TTLL4: variants seen among roughly 807,000 people sequenced by gnomAD.
The protein encoded by TTLL4 is tubulin tyrosine ligase like 4, also known as tubulin monoglutamylase TTLL4.
In TTLL4, 85 loss-of-function variants were observed where a neutral mutation model predicts 122.7. That is an observed-to-expected ratio of 0.69 (90% CI 0.58 to 0.83). The LOEUF is 0.83. TTLL4 is among the 40% of genes least tolerant of loss of function. The pLI is 0.00. For missense variants in TTLL4, 1,363 were observed against 1,488.6 expected (o/e 0.92, Z 1.39); for synonymous variants, 553 against 563.0 (o/e 0.98, Z 0.25).
chr2:218,721,877 CTT>C (rs751228470), intron 1 of TTLL4, among the ~76,000 whole-genome samples: 7 of 151,980 alleles, frequency 4.6e-5, no homozygotes, highest in South Asian at 4.1e-4. Flanking sequence ...AATCTCAGCA[CTT>C]TTGAGAGGCT....
chr2:218,712,899 A>G (rs532223404), intron 1 of TTLL4, among the ~76,000 whole-genome samples: 40 of 152,356 alleles, frequency 2.6e-4, no homozygotes, highest in African/African-American at 8.4e-4. Context: ...AGGCTTGCCA[A>G]TACACAATCC....
At position 218,752,856 on chromosome 2, in the gene TTLL4, G is replaced by C. The variant is rs1482074600; in HGVS notation, c.3070G>C (p.Glu1024Gln). Residue 1024 changes from glutamate (E) to glutamine (Q), a missense_variant, in exon 17 of 20, where the codon GAA becomes CAA. Glu to Gln is a conservative substitution (Grantham distance 29). Coordinates refer to ENST00000392102, the MANE Select transcript of TTLL4 (RefSeq NM_014640.5). ...EDEFSRRGQF[E>Q]RIFPSHISSR... ...TGAGTTTTCTCGCCGTGGTCAGTTT[G>C]AACGAATTTTTCCTTCTCATATCTC... The C allele has an allele frequency of 5.6e-6, 9 of 1,614,066 alleles. No homozygotes were observed. The African/African-American group carries it at 1.1e-4, about 19-fold the overall frequency.
Position 218,728,987 on chromosome 2 carries a change from C to T in TTLL4, c.-99+1640C>T, listed in dbSNP as rs530692604. 2.5e-3 allele frequency among the ~76,000 whole-genome samples: 356 copies of T among 139,784 alleles called. 1 individual carries two copies. Among genetic ancestry groups the T allele is most frequent in the African/African-American group, 9.2e-3 (334 of 36,456 alleles). The allele number at this position is 139,784 out of a possible 152,430, so 91.7% of individuals were successfully genotyped here. A position where few individuals can be genotyped will look rare whatever the true frequency, so the allele number is the denominator to read the frequency against. ...TGTTCTTGTTGCCCAGGCTGGAATG[C>T]AATGGCATGATCTCGGCTCACTGTA... On this transcript the variant is annotated intron_variant, in intron 2 of 19. Coordinates refer to ENST00000392102, the MANE Select transcript of TTLL4 (RefSeq NM_014640.5).
intron 1 of TTLL4, among the ~76,000 whole-genome samples, chr2:218,717,000 T>G (rs1941880509): frequency 6.6e-6 from 1 of 151,996 alleles, no homozygotes; most frequent in Non-Finnish European, 1.5e-5. Context: ...GGTTTTTTTC[T>G]TTTTCTTTTT....
chr2:218,752,633 T>A, intron 16 of TTLL4, 130 bp from the exon 17 acceptor site: 1 of 916,124 alleles, frequency 1.1e-6, no homozygotes, highest in Non-Finnish European at 1.7e-6. Context: ...TAGGCTGCCC[T>A]CAGTAGTTCC....
Position 218,753,179 on chromosome 2 carries a change from T to A in TTLL4, c.3252T>A (p.Ala1084=), listed in dbSNP as rs752828881. The A allele has an allele frequency of 3.7e-6, 6 of 1,614,038 alleles. No individual in the cohort carries two copies. The highest frequency in any genetic ancestry group is 5.1e-6 in the Non-Finnish European group (6 of 1,180,028). Residue 1084 remains alanine (A), a synonymous_variant, in exon 18 of 20, where the codon GCT becomes GCA. Transcript: ENST00000392102. ...GFHMGVVSDS[A]PVWSLPTSLL... The stretch of plus-strand genomic sequence containing the variant: ...ACATGGGAGTTGTCTCTGATTCTGC[T>A]CCAGTGGTGAGTGCTGCCAGTGTGG...
rs749385951 is a variant in TTLL4 at position 218,740,143 on chromosome 2, C to T, written c.1573C>T (p.Arg525Cys). The T allele has an allele frequency of 1.3e-5, 21 of 1,613,978 alleles. No individual in the cohort carries two copies. The East Asian group carries it at 2.0e-4, about 15-fold the overall frequency. Reference protein sequence around the residue: ...LVDGLEDCCSRDENEEEEGDS... With the variant: ...LVDGLEDCCSCDENEEEEGDS... ...AGATGGTTTGGAAGACTGTTGTAGC[C>T]GTGATGAGAATGAAGAGGAGGAGGG... Residue 525 changes from arginine to cysteine, a missense_variant, in exon 4 of 20, where the codon CGT (arginine) becomes TGT (cysteine). Arg to Cys is a radical substitution (Grantham distance 180, BLOSUM62 -3). Coordinates refer to ENST00000392102, the MANE Select transcript of TTLL4 (RefSeq NM_014640.5).
At chr2:218,714,427 G>A (rs1941799427) in intron 1 of TTLL4, among the ~76,000 whole-genome samples, 2 of 152,190 alleles carry the variant, frequency 1.3e-5, no homozygotes, top group Admixed American at 1.3e-4. Flanking sequence ...TGATCATAGT[G>A]TCTGAATTTT....
chr2:218,754,773 A>C lies in TTLL4; in HGVS notation c.*384A>C. 4.3e-6 allele frequency: 1 copy of C among 231,732 alleles called. No homozygotes were observed. The highest frequency in any genetic ancestry group is 8.5e-6 in the Non-Finnish European group (1 of 117,600). The allele number at this position is 231,732 out of a possible 1,614,324, so 14.4% of individuals were successfully genotyped here. A position where few individuals can be genotyped will look rare whatever the true frequency, so the allele number is the denominator to read the frequency against. On this transcript the variant is annotated 3_prime_UTR_variant, in exon 20 of 20. Coordinates refer to ENST00000392102, the MANE Select transcript of TTLL4 (RefSeq NM_014640.5). ...CAAGAGGAGAAAACATACAGAACAT[A>C]TTTGGACCGGAAATCCTTTGTTCTG...
intron 2 of TTLL4, among the ~76,000 whole-genome samples, chr2:218,730,532 T>A (rs13411043): frequency 0.011 from 1,654 of 151,036 alleles, 30 homozygotes; most frequent in African/African-American, 0.038. Flanking sequence ...AATAAATAAA[T>A]AAAATAAAAA....
At chr2:218,735,703 C>T (rs1390677454) in intron 2 of TTLL4, among the ~76,000 whole-genome samples, 1 of 151,504 alleles carries the variant, frequency 6.6e-6, no homozygotes, top group Non-Finnish European at 1.5e-5. Flanking sequence ...GACAGAGTCT[C>T]ACTCTGTCAC....
chr2:218,738,568 A>G lies in TTLL4; in HGVS notation c.892A>G (p.Thr298Ala), dbSNP rs141742368. The G allele has an allele frequency of 4.6e-5, 75 of 1,614,026 alleles. No individual in the cohort carries two copies. The highest frequency in any genetic ancestry group is 6.0e-5 in the Non-Finnish European group (71 of 1,179,992). ...STASSHDTSTTSVASSWYNRN... is the reference protein window; with the variant it reads ...STASSHDTSTASVASSWYNRN... ...CGCTAGCTCCCACGACACATCCACC[A>G]CCAGTGTTGCCTCTTCCTGGTATAA... Residue 298 changes from threonine to alanine, a missense_variant, in exon 3 of 20, where the codon ACC becomes GCC. By Grantham distance (58) the Thr-to-Ala change is moderately conservative (BLOSUM62 0). Around this residue, in one of 3 missense-constraint regions of TTLL4, gnomAD observed 760 missense variants for 808.4 expected, o/e 0.94. Transcript: ENST00000392102.
chr2:218,752,153 C>T (rs964010997), intron 16 of TTLL4, among the ~76,000 whole-genome samples: 1 of 152,186 alleles, frequency 6.6e-6, no homozygotes, highest in African/African-American at 2.4e-5. Flanking sequence ...AGTGATCCGC[C>T]TGCCTCGGCC....
intron 2 of TTLL4, among the ~76,000 whole-genome samples, chr2:218,736,036 G>GCTAT (rs1942513205): frequency 6.9e-6 from 1 of 145,798 alleles, no homozygotes; most frequent in East Asian, 2.0e-4. Context: ...GAGCAGTGGT[G>GCTAT]CTATCTTGGT....
chr2:218,752,008 A>G (rs1221236098), intron 16 of TTLL4, among the ~76,000 whole-genome samples: 1 of 150,298 alleles, frequency 6.7e-6, no homozygotes, highest in Non-Finnish European at 1.5e-5. Flanking sequence ...CCCAGGTTCA[A>G]GTGATTCTCC....
At chr2:218,711,811 G>A (rs1224920631) in intron 1 of TTLL4, among the ~76,000 whole-genome samples, 1 of 137,906 alleles carries the variant, frequency 7.3e-6, no homozygotes, top group Admixed American at 7.4e-5. Flanking sequence ...TCCCATTCTG[G>A]ATCTCGGAAA....
intron 1 of TTLL4, among the ~76,000 whole-genome samples, chr2:218,714,565 C>G (rs375033746): frequency 6.6e-6 from 1 of 152,034 alleles, no homozygotes; most frequent in Non-Finnish European, 1.5e-5. Context: ...TGAGAGTGCT[C>G]GTTTCTCTTA....
intron 5 of TTLL4, among the ~76,000 whole-genome samples, chr2:218,744,240 TTTTTTAAACTAAAAATTAA>T (rs1455970369): frequency 6.6e-6 from 1 of 152,232 alleles, no homozygotes; most frequent in Non-Finnish European, 1.5e-5. Flanking sequence ...GTAAAGTGAC[TTTTTTAAACTAAAAATTAA>T]TGTTATAATA....
chr2:218,726,035 T>C (rs1942182152), intron 1 of TTLL4, among the ~76,000 whole-genome samples: 1 of 152,256 alleles, frequency 6.6e-6, no homozygotes, highest in East Asian at 1.9e-4. Context: ...TGTTTTCTTT[T>C]TGCATGTTAA....
Sources: allele counts gnomAD v4.1 joint callset (sites outside exome capture counted in the v4.1 genomes callset), GRCh38; gene constraint gnomAD v4.1.1; regional missense constraint gnomAD v4.1.1; transcripts MANE v1.5; gene names NCBI Gene and HGNC (gene_info 2026-07-23, HGNC 2026-07-21).